The following BRI3 variants were observed in gnomAD, a reference collection of about 807,000 sequenced individuals.
BRI3 encodes the protein brain protein I3.
Under a neutral mutation model 12.8 loss-of-function variants are expected in BRI3, and 6 were observed. The observed-to-expected ratio is 0.47, with a 90% CI of 0.26 to 0.93. The LOEUF (loss-of-function observed/expected upper bound fraction) is 0.93, where lower values mean the gene tolerates loss of function less well. Ranked by LOEUF, BRI3 falls within the 40% of genes least tolerant of loss-of-function variation. The probability of loss-of-function intolerance (pLI) is 0.15; values close to 1 mark genes in which losing one functional copy is unlikely to be tolerated. For synonymous variants in BRI3, 91 were observed against 76.1 expected (o/e 1.20, Z -1.02); for missense variants, 134 against 171.1 (o/e 0.78, Z 1.21).
At chr7:98,288,305 C>T (rs1234303663) in intron 2 of BRI3, among the ~76,000 whole-genome samples, 2 of 152,082 alleles carry the variant, frequency 1.3e-5, no homozygotes, top group Non-Finnish European at 2.9e-5. Context: ...TCCCCCACCT[C>T]GACTGTGTGG....
chr7:98,322,495 T>C, the BRI3 span, among the ~76,000 whole-genome samples: 1 of 152,152 alleles, frequency 6.6e-6, no homozygotes, highest in Non-Finnish European at 1.5e-5. Context: ...CCCTTGGGGA[T>C]AGGAGGCCAT....
chr7:98,312,306 T>C, downstream of BRI3: 3 of 1,557,230 alleles, frequency 1.9e-6, no homozygotes, highest in Non-Finnish European at 1.7e-6. Context: ...AAGAAGATTG[T>C]CTGAAGAGCT....
chr7:98,291,535 T>G lies in BRI3; in HGVS notation c.*292T>G. ...GAGATTCATACCATTGTTGACCTGGTGCTGCTTACTCGGTGCTTTCAGAGA... is the reference window on the plus strand; with the variant it reads ...GAGATTCATACCATTGTTGACCTGGGGCTGCTTACTCGGTGCTTTCAGAGA... On this transcript the variant is annotated 3_prime_UTR_variant, in exon 3 of 3. Transcript: ENST00000297290. The G allele has an allele frequency of 8.5e-7, 1 of 1,179,110 alleles. No homozygotes were observed. Among genetic ancestry groups the G allele is most frequent in the Non-Finnish European group, 1.1e-6 (1 of 947,494 alleles). The allele number at this position is 1,179,110 out of a possible 1,614,324, so 73.0% of individuals were successfully genotyped here.
downstream of BRI3, among the ~76,000 whole-genome samples, chr7:98,295,685 C>T (rs1055721349): frequency 2.0e-5 from 3 of 152,104 alleles, no homozygotes; most frequent in African/African-American, 4.8e-5. Flanking sequence ...GGGGCCAACA[C>T]CATCTCCCTC....
chr7:98,303,377 C>A (rs938850836), upstream of BRI3, among the ~76,000 whole-genome samples: 2 of 152,198 alleles, frequency 1.3e-5, no homozygotes, highest in African/African-American at 4.8e-5. Context: ...CACCCAGCCT[C>A]CTCCCCTTCA....
chr7:98,304,865 ATTT>A (rs11423233), upstream of BRI3, among the ~76,000 whole-genome samples: 5 of 136,318 alleles, frequency 3.7e-5, no homozygotes, highest in South Asian at 2.4e-4. Flanking sequence ...CTCACAAGAA[ATTT>A]TTTTTTTTTT....
At chr7:98,290,055 C>A (rs976280238) in intron 2 of BRI3, among the ~76,000 whole-genome samples, 2 of 152,334 alleles carry the variant, frequency 1.3e-5, no homozygotes, top group African/African-American at 4.8e-5. Flanking sequence ...CCCACCCCCG[C>A]TACCAAAGGA....
downstream of BRI3, chr7:98,310,686 C>CTATATATTTATT: frequency 1.2e-6 from 1 of 804,100 alleles, no homozygotes; most frequent in Non-Finnish European, 1.8e-6. Context: ...AAATAATAGG[C>CTATATATTTATT]TATTTATTTA....
At chr7:98,312,850 G>A (rs972475476), downstream of BRI3, among the ~76,000 whole-genome samples, 1 of 152,166 alleles carries the variant, frequency 6.6e-6, no homozygotes, top group Non-Finnish European at 1.5e-5. Flanking sequence ...GTGAGAACCC[G>A]CAACCCTGGA....
the BRI3 span, chr7:98,320,428 C>T: frequency 1.1e-5 from 7 of 653,944 alleles, no homozygotes; most frequent in South Asian, 2.0e-5. Flanking sequence ...CTCCGCCTCC[C>T]GGGTTCAAAC....
At chr7:98,300,569 C>A (rs1369089174) in intron 1 of BRI3, among the ~76,000 whole-genome samples, 1 of 152,190 alleles carries the variant, frequency 6.6e-6, no homozygotes, top group African/African-American at 2.4e-5. Flanking sequence ...GGGTTTCTAA[C>A]CTGCCGTGGG....
In BRI3 at chr7:98,291,363, G is replaced by T; in HGVS notation, c.*120G>T. 6.6e-7 allele frequency: 1 copy of T among 1,514,072 alleles called. No homozygotes were observed. The highest frequency in any genetic ancestry group is 1.4e-5 in the African/African-American group (1 of 72,076). 93.8% of individuals were successfully genotyped at this position (1,514,072 alleles called of 1,614,324 possible). On this transcript the variant is annotated 3_prime_UTR_variant, in exon 3 of 3. Coordinates refer to ENST00000297290, the MANE Select transcript of BRI3 (RefSeq NM_015379.5). ...TTTTGTAAAGCGAGGTGGGACCGAT[G>T]TGGCACACGCCAGCTGCGGTTTCCC...
exon 2 of BRI3, chr7:98,310,192 C>A: frequency 2.3e-6 from 1 of 431,254 alleles, no homozygotes; most frequent in Non-Finnish European, 4.1e-6. Flanking sequence ...AGTATGTTTA[C>A]TCTGGATAAA....
At chr7:98,310,036 C>T (rs950947200) in exon 2 of BRI3, 5 of 160,094 alleles carry the variant, frequency 3.1e-5, no homozygotes, top group South Asian at 1.6e-4. Context: ...TTTTTAGTAG[C>T]GATGGGGTTT....
chr7:98,294,108 C>T (rs760822063), downstream of BRI3: 30 of 1,613,894 alleles, frequency 1.9e-5, no homozygotes, highest in East Asian at 6.7e-5. Flanking sequence ...CCGTTGGCAT[C>T]GTTCTGTGAG....
chr7:98,306,008 C>A (rs2116850810), upstream of BRI3, among the ~76,000 whole-genome samples: 1 of 152,130 alleles, frequency 6.6e-6, no homozygotes, highest in South Asian at 2.1e-4. Flanking sequence ...AAGAGGGGTG[C>A]AAAGAGCTGG....
chr7:98,291,411 C>T lies in BRI3; in HGVS notation c.*168C>T. 1 of 1,445,092 alleles carries T rather than the reference C, an allele frequency of 6.9e-7. No homozygotes were observed. 89.5% of individuals were successfully genotyped at this position (1,445,092 alleles called of 1,614,324 possible). On this transcript the variant is annotated 3_prime_UTR_variant, in exon 3 of 3. Coordinates refer to ENST00000297290, the MANE Select transcript of BRI3 (RefSeq NM_015379.5). ...CCCGGAGCGTGGAGAGGCAGTGCTG[C>T]TGCTCCCGCCCGAGGCTCATGACAA...
At chr7:98,317,243 G>C in the BRI3 span, 3 of 1,614,234 alleles carry the variant, frequency 1.9e-6, no homozygotes, top group Non-Finnish European at 2.5e-6. Flanking sequence ...GTTCATATTT[G>C]AGTGCGTTTC....
At chr7:98,302,260 C>T (rs1036212190), upstream of BRI3, among the ~76,000 whole-genome samples, 3 of 152,202 alleles carry the variant, frequency 2.0e-5, no homozygotes, top group Admixed American at 6.5e-5. Context: ...ACGATAAATA[C>T]GCTGACAATG....
Sources: gnomAD v4.1 joint callset for allele counts (sites outside exome capture counted in the v4.1 genomes callset) on GRCh38, gnomAD v4.1.1 for gene constraint, MANE v1.5 for transcripts, NCBI Gene and HGNC (gene_info 2026-07-23, HGNC 2026-07-21) for gene names.